Variants in PRDM16 observed in about 807,000 individuals in gnomAD.
PRDM16 encodes the protein histone-lysine N-methyltransferase PRDM16.
Under a neutral mutation model 110.6 loss-of-function variants are expected in PRDM16, and 23 were observed. The observed-to-expected ratio is 0.21, with a 90% CI of 0.15 to 0.29. PRDM16 has a LOEUF of 0.29. Among genes scored for constraint, PRDM16 ranks in the 10% least tolerant of loss-of-function variants. The pLI is 1.00. For synonymous variants in PRDM16, 799 were observed against 781.8 expected, an observed-to-expected ratio of 1.02 and a Z score of -0.37; for missense variants, 1,615 against 1,794.3, an observed-to-expected ratio of 0.90 and a Z score of 1.81.
intron 3 of PRDM16, among the ~76,000 whole-genome samples, chr1:3,356,930 G>C (rs1465415022): frequency 6.6e-6 from 1 of 152,148 alleles, no homozygotes; most frequent in East Asian, 1.9e-4. Flanking sequence ...CTGAGAGCCG[G>C]GTGGCTTTGC....
chr1:3,162,780 C>T (rs879754571), intron 1 of PRDM16, among the ~76,000 whole-genome samples: 2 of 152,248 alleles, frequency 1.3e-5, no homozygotes, highest in South Asian at 2.1e-4. Flanking sequence ...GTGCGACCAT[C>T]GAAGCCACAC....
At chr1:3,138,212 C>T in intron 1 of PRDM16, among the ~76,000 whole-genome samples, 1 of 152,242 alleles carries the variant, frequency 6.6e-6, no homozygotes, top group Non-Finnish European at 1.5e-5. Flanking sequence ...AGGCCGCATC[C>T]CTCCCAGCGC....
At chr1:3,133,560 C>T (rs1387041984) in intron 1 of PRDM16, 1 of 152,356 alleles carries the variant, frequency 6.6e-6, no homozygotes, top group Non-Finnish European at 1.5e-5. Context: ...CAGCGACCTT[C>T]CCTCCTCCTT....
At chr1:3,210,744 C>T (rs1395903339) in intron 2 of PRDM16, among the ~76,000 whole-genome samples, 4 of 152,228 alleles carry the variant, frequency 2.6e-5, no homozygotes, top group African/African-American at 9.6e-5. Flanking sequence ...TGTTCATTCA[C>T]TTATGAGATG....
At chr1:3,271,222 G>A (rs540189705) in intron 3 of PRDM16, among the ~76,000 whole-genome samples, 3 of 152,186 alleles carry the variant, frequency 2.0e-5, no homozygotes, top group African/African-American at 4.8e-5. Context: ...GATATCCCTC[G>A]AGGAAGGAAC....
At chr1:3,300,881 G>A (rs1641193382) in intron 3 of PRDM16, among the ~76,000 whole-genome samples, 1 of 152,164 alleles carries the variant, frequency 6.6e-6, no homozygotes, top group Non-Finnish European at 1.5e-5. Flanking sequence ...CACCACGAAT[G>A]AAGACTTGCT....
At position 3,157,080 on chromosome 1, in the gene PRDM16, G is replaced by A. The variant is rs1643864927; in HGVS notation, c.38-29045G>A. Among the ~76,000 whole-genome samples the A allele has an allele frequency of 6.6e-6, 1 of 152,204 alleles. No homozygotes were observed. Among genetic ancestry groups the A allele is most frequent in the South Asian group, 2.1e-4 (1 of 4,832 alleles). The stretch of plus-strand genomic sequence containing the variant: ...AGGTGACCGCCGGCCAGAACCAGCC[G>A]TGGCTGCCCAGTCGCCCAGATGGTG... On this transcript the variant is annotated intron_variant, in intron 1 of 16. Transcript: ENST00000270722. This position sits in a 1 kb window ranked among gnomAD's most constrained non-coding sequence, Gnocchi z 4.8.
At chr1:3,127,747 G>T (rs568989082) in intron 1 of PRDM16, among the ~76,000 whole-genome samples, 3 of 152,248 alleles carry the variant, frequency 2.0e-5, no homozygotes, top group Non-Finnish European at 4.4e-5. Flanking sequence ...GCGAGAGGCC[G>T]GTTTGCCTAG....
At chr1:3,126,149 G>A (rs1643200320) in intron 1 of PRDM16, among the ~76,000 whole-genome samples, 2 of 152,220 alleles carry the variant, frequency 1.3e-5, no homozygotes, top group Admixed American at 1.3e-4. Context: ...CGGGGAGAAA[G>A]GGGCCATTGT....
intron 3 of PRDM16, among the ~76,000 whole-genome samples, chr1:3,260,843 C>T (rs1640149092): frequency 1.4e-5 from 2 of 145,004 alleles, no homozygotes; most frequent in African/African-American, 2.6e-5. Context: ...TGATGAGCCT[C>T]AAGGTCCCAT....
intron 1 of PRDM16, among the ~76,000 whole-genome samples, chr1:3,183,614 G>C (rs970690968): frequency 6.6e-6 from 1 of 152,328 alleles, no homozygotes; most frequent in South Asian, 2.1e-4. Context: ...CAATGCACAG[G>C]CCTGCCTTTA....
rs114776412 is a variant in PRDM16 at position 3,251,080 on chromosome 1, G to T, written c.438+6943G>T. On this transcript the variant is annotated intron_variant, in intron 3 of 16. Transcript: ENST00000270722. ...AGACGAAACATCACAAATTTTAGAA[G>T]GACACACTCAGACGCTGCCTTAACC... Among the ~76,000 whole-genome samples the T allele has an allele frequency of 7.9e-3, 1,206 of 152,326 alleles. 17 individuals are homozygous for T. Among genetic ancestry groups the T allele is most frequent in the African/African-American group, 0.027 (1,127 of 41,564 alleles).
chr1:3,103,477 T>A (rs559115968), intron 1 of PRDM16, among the ~76,000 whole-genome samples: 1 of 152,250 alleles, frequency 6.6e-6, no homozygotes, highest in African/African-American at 2.4e-5. Context: ...GGGGACCCAG[T>A]GCCCTTCCTC....
chr1:3,275,469 G>A (rs1640561614), intron 3 of PRDM16, among the ~76,000 whole-genome samples: 1 of 152,320 alleles, frequency 6.6e-6, no homozygotes, highest in East Asian at 1.9e-4. Flanking sequence ...GAGAAGGAGG[G>A]CCTGGGGGAC....
In PRDM16 at chr1:3,170,064, T is replaced by C. The variant is rs1416551772; in HGVS notation, c.38-16061T>C. ...GTTAATAAAAATTAATGAATTTTTT[T>C]TTTCTTTCTTTTTTCCTCGCCGCTG... is the stretch of plus-strand genomic sequence containing the variant. On this transcript the variant is annotated intron_variant, in intron 1 of 16. Coordinates refer to ENST00000270722, the MANE Select transcript of PRDM16 (RefSeq NM_022114.4). Among the ~76,000 whole-genome samples the C allele has an allele frequency of 2.4e-4, 36 of 152,192 alleles. No individual in the cohort carries two copies. The East Asian group carries it at 6.7e-3, about 28-fold the overall frequency.
chr1:3,082,386 G>C (rs1403050779), intron 1 of PRDM16, among the ~76,000 whole-genome samples: 1 of 152,204 alleles, frequency 6.6e-6, no homozygotes, highest in African/African-American at 2.4e-5. Flanking sequence ...ACTGGACTCA[G>C]CTGTGGCCAC....
chr1:3,091,993 A>G lies in PRDM16; in HGVS notation c.37+22697A>G, dbSNP rs114665895. On this transcript the variant is annotated intron_variant, in intron 1 of 16. Coordinates refer to ENST00000270722, the MANE Select transcript of PRDM16 (RefSeq NM_022114.4). The stretch of plus-strand genomic sequence containing the variant: ...GGTTTGGGAGGCCCGCGTTAGCCCC[A>G]GGACGGCTTCATGGGGAGGGGACGC... Among the ~76,000 whole-genome samples the G allele has an allele frequency of 6.7e-3, 1,024 of 152,338 alleles. 14 individuals are homozygous for G. Among genetic ancestry groups the G allele is most frequent in the African/African-American group, 0.023 (969 of 41,580 alleles).
intron 3 of PRDM16, among the ~76,000 whole-genome samples, chr1:3,313,723 C>T (rs1641523301): frequency 6.6e-6 from 1 of 152,224 alleles, no homozygotes; most frequent in South Asian, 2.1e-4. Context: ...GCAAACCTCG[C>T]CGCCTCCTGC....
intron 2 of PRDM16, among the ~76,000 whole-genome samples, chr1:3,204,320 G>T (rs1187241926): frequency 6.6e-6 from 1 of 152,146 alleles, no homozygotes; most frequent in East Asian, 1.9e-4. Flanking sequence ...GACCCCGCCT[G>T]CTCCCCGCAG....
Sources: gnomAD v4.1 joint callset for allele counts (sites outside exome capture counted in the v4.1 genomes callset) on GRCh38, gnomAD v4.1.1 for gene constraint, Gnocchi (gnomAD v3.1) non-coding constraint, MANE v1.5 for transcripts, NCBI Gene and HGNC (gene_info 2026-07-23, HGNC 2026-07-21) for gene names.